POM121C: variants seen among roughly 807,000 people sequenced by gnomAD.
POM121C encodes nuclear envelope pore membrane protein POM 121C.
Under a neutral mutation model 66.4 loss-of-function variants are expected in POM121C, and 20 were observed. That is an observed-to-expected ratio of 0.30 (90% CI 0.21 to 0.44). The LOEUF is 0.44. Ranked by LOEUF, POM121C falls within the 20% of genes least tolerant of loss-of-function variation. The pLI is 1.00. For missense variants in POM121C, 580 were observed against 1,225.7 expected, an observed-to-expected ratio of 0.47 and a Z score of 7.87; for synonymous variants, 286 against 528.0, an observed-to-expected ratio of 0.54 and a Z score of 6.28.
At chr7:75,465,310 T>G (rs1324773627) in intron 3 of POM121C, among the ~76,000 whole-genome samples, 2 of 151,746 alleles carry the variant, frequency 1.3e-5, no homozygotes, top group Admixed American at 6.6e-5. Context: ...TGTAACACTT[T>G]AAAATGGTAT....
intron 6 of POM121C, among the ~76,000 whole-genome samples, chr7:75,438,882 G>A (rs1554473408): frequency 1.3e-5 from 2 of 152,134 alleles, no homozygotes; most frequent in African/African-American, 4.8e-5. Flanking sequence ...CAATCCTTCT[G>A]TGTATGTGCT....
intron 3 of POM121C, chr7:75,442,718 A>C (rs1790706622): frequency 7.3e-7 from 1 of 1,363,990 alleles, no homozygotes; most frequent in Non-Finnish European, 9.4e-7. Context: ...CGCCGGAGAC[A>C]TCGCGGCTCC....
intron 1 of POM121C, among the ~76,000 whole-genome samples, chr7:75,476,242 G>C (rs587615643): frequency 6.7e-6 from 1 of 149,764 alleles, no homozygotes; most frequent in East Asian, 2.0e-4. Context: ...AGTGAGCTGT[G>C]AATGCAACAC....
In POM121C at chr7:75,471,354, G is replaced by A. The variant is rs201846127; in HGVS notation, c.-152+3350C>T. Among the ~76,000 whole-genome samples the A allele has an allele frequency of 1.8e-3, 269 of 152,020 alleles. 4 individuals are homozygous for A. The East Asian group carries it at 0.045, about 25-fold the overall frequency. On this transcript the variant is annotated intron_variant, in intron 3 of 14. Coordinates refer to ENST00000615331, the MANE Select transcript of POM121C (RefSeq NM_001099415.3). ...CTCTGGAGTAGCTGGGATTACAGGC[G>A]TGCACCACCACGCCTGGCTAATTTT... is the stretch of plus-strand genomic sequence containing the variant.
chr7:75,451,999 AC>A (rs1314822045), intron 3 of POM121C, among the ~76,000 whole-genome samples: 1 of 148,940 alleles, frequency 6.7e-6, no homozygotes, highest in Non-Finnish European at 1.5e-5. Context: ...GAATTACTCT[AC>A]TAAAAATATA....
intron 1 of POM121C, among the ~76,000 whole-genome samples, chr7:75,476,028 C>T (rs1223709993): frequency 6.6e-6 from 1 of 152,074 alleles, no homozygotes; most frequent in Non-Finnish European, 1.5e-5. Flanking sequence ...GCCTATAATC[C>T]TAGCACTTTG....
intron 3 of POM121C, among the ~76,000 whole-genome samples, chr7:75,460,854 C>T (rs1470052999): frequency 6.6e-6 from 1 of 152,094 alleles, no homozygotes; most frequent in Non-Finnish European, 1.5e-5. Context: ...AGGACCAGCC[C>T]GGATGCTTGC....
rs1229125480 is a variant in POM121C, at chr7:75,457,218, C to T, written c.-151-15571G>A. On this transcript the variant is annotated intron_variant, in intron 3 of 14. Transcript: ENST00000615331. ...ATAAATAAATAAATACATGAAGCAACGATCCAATCAATCAAACCAACAAAT... is the reference window on the plus strand; with the variant it reads ...ATAAATAAATAAATACATGAAGCAATGATCCAATCAATCAAACCAACAAAT... Among the ~76,000 whole-genome samples, 15 of 149,914 alleles carry T rather than the reference C, an allele frequency of 1.0e-4. No homozygotes were observed. The South Asian group carries it at 1.3e-3, about 13-fold the overall frequency.
intron 3 of POM121C, among the ~76,000 whole-genome samples, chr7:75,472,712 A>G (rs2116519837): frequency 6.6e-6 from 1 of 152,182 alleles, no homozygotes; most frequent in South Asian, 2.1e-4. Context: ...AGGCTGAGGC[A>G]GGAGAATCGC....
Position 75,480,732 on chromosome 7 carries a change from G to A in POM121C, c.-458+5132C>T, listed in dbSNP as rs587614065. 1.4e-4 allele frequency among the ~76,000 whole-genome samples: 21 copies of A among 152,154 alleles called. No homozygotes were observed. In the East Asian group the frequency reaches 2.9e-3, roughly 21 times the overall value. On this transcript the variant is annotated intron_variant, in intron 1 of 14. Transcript: ENST00000615331. ...CTTCAAATGTTATAATGGCACTGTG[G>A]AACAAATCCGTATTAAACAGACTTA...
intron 3 of POM121C, among the ~76,000 whole-genome samples, chr7:75,448,662 G>A (rs1221429343): frequency 4.3e-5 from 6 of 140,224 alleles, no homozygotes; most frequent in Non-Finnish European, 9.2e-5. Flanking sequence ...TTAGCCAAGT[G>A]TGGTGGCACA....
intron 5 of POM121C, among the ~76,000 whole-genome samples, chr7:75,440,321 A>G (rs1333924568): frequency 6.6e-6 from 1 of 151,680 alleles, no homozygotes; most frequent in African/African-American, 2.4e-5. Context: ...TAATCCCAGC[A>G]CTTTGGGAGG....
At chr7:75,421,130 T>G (rs112275866) in intron 13 of POM121C, 1 of 348,406 alleles carries the variant, frequency 2.9e-6, no homozygotes, top group Non-Finnish European at 5.4e-6. Flanking sequence ...GGTACCACCA[T>G]GCCCGGCTAA....
At chr7:75,472,393 A>G (rs1397373749) in intron 3 of POM121C, among the ~76,000 whole-genome samples, 1 of 151,912 alleles carries the variant, frequency 6.6e-6, no homozygotes, top group Admixed American at 6.6e-5. Flanking sequence ...CATGCCTGTA[A>G]TCTCAGCTAC....
chr7:75,479,615 C>CTAAATAAATAAA (rs58439125), intron 1 of POM121C, among the ~76,000 whole-genome samples: 20 of 134,522 alleles, frequency 1.5e-4, no homozygotes, highest in Middle Eastern at 3.4e-3. Flanking sequence ...GACTCTGTCT[C>CTAAATAAATAAA]TAAATAAATA....
Position 75,417,632 on chromosome 7 carries a change from T to C in POM121C, c.*1164A>G. The C allele has an allele frequency of 1.0e-6, 1 of 985,052 alleles. No homozygotes were observed. Among genetic ancestry groups the C allele is most frequent in the South Asian group, 4.7e-5 (1 of 21,262 alleles). The allele number at this position is 985,052 out of a possible 1,614,324, so 61.0% of individuals were successfully genotyped here. ...AAATATGGTTCATTAATTTAGGTTT[T>C]CTAACATCTACTTTGGGTGACGTAG... On this transcript the variant is annotated 3_prime_UTR_variant, in exon 15 of 15. Coordinates refer to ENST00000615331, the MANE Select transcript of POM121C (RefSeq NM_001099415.3).
At chr7:75,475,353 T>C (rs587767984) in intron 1 of POM121C, among the ~76,000 whole-genome samples, 165 bp from the exon 2 acceptor site, 1 of 152,266 alleles carries the variant, frequency 6.6e-6, no homozygotes, top group Non-Finnish European at 1.5e-5. Flanking sequence ...TTTGGGGTCC[T>C]TTATATATAT....
At chr7:75,437,794 G>A in intron 6 of POM121C, 108 bp from the exon 7 acceptor site, 1 of 1,399,390 alleles carries the variant, frequency 7.1e-7, no homozygotes, top group East Asian at 2.5e-5. Flanking sequence ...AGAGAATAAT[G>A]CTTTTAATTT....
intron 3 of POM121C, among the ~76,000 whole-genome samples, chr7:75,457,891 T>C (rs1272206068): frequency 6.6e-6 from 1 of 152,248 alleles, no homozygotes; most frequent in Non-Finnish European, 1.5e-5. Flanking sequence ...ATATATTTTT[T>C]CTTTTAGAAC....
Sources: gnomAD v4.1 joint callset for allele counts (sites outside exome capture counted in the v4.1 genomes callset) on GRCh38, gnomAD v4.1.1 for gene constraint, MANE v1.5 for transcripts, NCBI Gene and HGNC (gene_info 2026-07-23, HGNC 2026-07-21) for gene names.